Variants in DZANK1 observed in about 807,000 individuals in gnomAD.
DZANK1 encodes the protein double zinc ribbon and ankyrin repeat domains 1.
DZANK1 carries 91 observed loss-of-function variants against 94.5 expected under a neutral mutation model. The ratio of observed to expected loss-of-function variants is 0.96; its 90% CI spans 0.81 to 1.15. The LOEUF (loss-of-function observed/expected upper bound fraction) is 1.15, where lower values mean the gene tolerates loss of function less well. DZANK1 is among the 50% of genes most tolerant of loss of function. The pLI, the probability that DZANK1 is intolerant of heterozygous loss-of-function variation, is 0.00. For missense variants in DZANK1, 903 were observed against 916.4 expected (o/e 0.99, Z 0.19); for synonymous variants, 312 against 325.3 (o/e 0.96, Z 0.44).
intron 10 of DZANK1, chr20:18,420,690 T>C: frequency 5.5e-6 from 1 of 183,102 alleles, no homozygotes; most frequent in South Asian, 1.1e-4. Flanking sequence ...TTTTTCCACC[T>C]TTCTTCTTTA....
At chr20:18,400,131 G>A (rs6045381) in intron 13 of DZANK1, among the ~76,000 whole-genome samples, 17,166 of 152,132 alleles carry the variant, frequency 0.11, 1,066 homozygotes, top group African/African-American at 0.16. Context: ...ATTGTGACAA[G>A]AGAACCTAAG....
chr20:18,426,717 G>C (rs2058060621), intron 10 of DZANK1, among the ~76,000 whole-genome samples: 1 of 152,166 alleles, frequency 6.6e-6, no homozygotes, highest in South Asian at 2.1e-4. Context: ...GAAGACAATG[G>C]ACTATGGGGT....
chr20:18,385,192 A>C (rs760025624), intron 19 of DZANK1, 102 bp from the exon 20 acceptor site: 365 of 1,081,370 alleles, frequency 3.4e-4, no homozygotes, highest in Non-Finnish European at 4.3e-4. Context: ...TCACCGACCT[A>C]CTTAACTAAC....
chr20:18,439,697 G>T (rs1245609239), intron 8 of DZANK1, among the ~76,000 whole-genome samples: 1 of 152,174 alleles, frequency 6.6e-6, no homozygotes, highest in African/African-American at 2.4e-5. Context: ...ACTTTTTAAG[G>T]ATGCAGCTGC....
intron 10 of DZANK1, among the ~76,000 whole-genome samples, chr20:18,425,613 G>GA (rs1372215177): frequency 2.0e-5 from 3 of 151,964 alleles, no homozygotes; most frequent in Admixed American, 6.6e-5. Context: ...TGTCTGCCCA[G>GA]AAAAAGATAA....
intron 8 of DZANK1, among the ~76,000 whole-genome samples, chr20:18,435,282 A>C (rs2058475071): frequency 6.6e-6 from 1 of 152,202 alleles, no homozygotes; most frequent in South Asian, 2.1e-4. Context: ...ATCAGGCTTA[A>C]ATATAAGAGA....
At chr20:18,435,164 G>A (rs1380298758) in intron 8 of DZANK1, among the ~76,000 whole-genome samples, 1 of 152,196 alleles carries the variant, frequency 6.6e-6, no homozygotes, top group Non-Finnish European at 1.5e-5. Context: ...ATGTTACCCA[G>A]CCAACACACA....
chr20:18,444,755 C>G (rs2058820423), intron 7 of DZANK1, among the ~76,000 whole-genome samples: 1 of 152,034 alleles, frequency 6.6e-6, no homozygotes, highest in African/African-American at 2.4e-5. Context: ...AAAGCTAGGC[C>G]TAACTATATG....
intron 7 of DZANK1, among the ~76,000 whole-genome samples, chr20:18,447,087 C>T (rs139489410): frequency 3.1e-4 from 47 of 152,288 alleles, no homozygotes; most frequent in African/African-American, 1.1e-3. Flanking sequence ...ACTAAATTAT[C>T]CTCTCAATAA....
At chr20:18,452,703 A>T in intron 5 of DZANK1, 1 of 1,602,604 alleles carries the variant, frequency 6.2e-7, no homozygotes, top group South Asian at 1.1e-5. Flanking sequence ...AAGATCTTTC[A>T]AAGTTTTAGG....
In DZANK1 at chr20:18,434,638, T is replaced by A. The variant is rs8119872; in HGVS notation, c.748-873A>T. Reference sequence around the variant, plus strand: ...CACCCTGAAGTCATTGAAAGGCAGATAACAAACAGAAGTTCCTAAAAATGA... The same window carrying A: ...CACCCTGAAGTCATTGAAAGGCAGAAAACAAACAGAAGTTCCTAAAAATGA... On this transcript the variant is annotated intron_variant, in intron 8 of 20. Coordinates refer to ENST00000262547, the Ensembl canonical transcript of DZANK1. Among the ~76,000 whole-genome samples the A allele has an allele frequency of 5.1e-3, 758 of 149,014 alleles. 6 individuals are homozygous for A. Among genetic ancestry groups the A allele is most frequent in the South Asian group, 0.046 (217 of 4,676 alleles).
intron 13 of DZANK1, among the ~76,000 whole-genome samples, chr20:18,402,012 TTCAG>T (rs2056710266): frequency 1.3e-5 from 2 of 152,138 alleles, no homozygotes; most frequent in Non-Finnish European, 2.9e-5. Context: ...TCTGGAAGAC[TTCAG>T]TCAGACTGTG....
In DZANK1 at chr20:18,422,921, T is replaced by C. The variant is rs141675522; in HGVS notation, c.954+4146A>G. Among the ~76,000 whole-genome samples the C allele has an allele frequency of 2.4e-3, 362 of 152,130 alleles. 5 individuals carry two copies. Among genetic ancestry groups the C allele is most frequent in the Admixed American group, 0.02 (304 of 15,258 alleles). ...CAGCAAAATTTTGATAGGGATTGCA[T>C]TCAATCTGTAGATCTCTCTTTAGGT... On this transcript the variant is annotated intron_variant, in intron 10 of 20. Transcript: ENST00000262547.
intron 13 of DZANK1, among the ~76,000 whole-genome samples, chr20:18,404,132 T>A (rs2056833892): frequency 6.6e-6 from 1 of 152,132 alleles, no homozygotes; most frequent in Admixed American, 6.5e-5. Flanking sequence ...AGATTTTTTT[T>A]TTTTTAGCTC....
At chr20:18,456,383 C>T (rs2059292547) in intron 3 of DZANK1, among the ~76,000 whole-genome samples, 1 of 152,210 alleles carries the variant, frequency 6.6e-6, no homozygotes, top group African/African-American at 2.4e-5. Context: ...CTACCAGTAG[C>T]TCACCTATAC....
intron 8 of DZANK1, among the ~76,000 whole-genome samples, chr20:18,436,400 T>C (rs1222065085): frequency 5.1e-5 from 7 of 136,478 alleles, no homozygotes; most frequent in East Asian, 2.1e-4. Context: ...GCCGAGATCG[T>C]ACCACTGCAC....
At chr20:18,393,847 C>G (rs762308673) in intron 16 of DZANK1, 36 bp from the exon 17 acceptor site, 8 of 1,285,814 alleles carry the variant, frequency 6.2e-6, no homozygotes, top group Non-Finnish European at 9.0e-6. Flanking sequence ...AATGATGCCC[C>G]TCCCCCAACT....
intron 13 of DZANK1, among the ~76,000 whole-genome samples, chr20:18,404,164 T>C (rs1378771666): frequency 1.3e-5 from 2 of 151,896 alleles, no homozygotes; most frequent in Non-Finnish European, 2.9e-5. Flanking sequence ...TTAGCATTAG[T>C]GTATTTTATG....
chr20:18,395,623 T>C (rs1418162438), intron 15 of DZANK1, among the ~76,000 whole-genome samples: 2 of 152,138 alleles, frequency 1.3e-5, no homozygotes, highest in African/African-American at 4.8e-5. Flanking sequence ...TTGCCTCAAC[T>C]GGGGACAACT....
Sources: gnomAD v4.1 joint callset for allele counts (sites outside exome capture counted in the v4.1 genomes callset) on GRCh38, gnomAD v4.1.1 for gene constraint, MANE v1.5 for transcripts, NCBI Gene and HGNC (gene_info 2026-07-23, HGNC 2026-07-21) for gene names.